The following GALNT18 variants were observed in gnomAD, a reference collection of about 807,000 sequenced individuals.
GALNT18 encodes the protein polypeptide N-acetylgalactosaminyltransferase 18.
A neutral mutation model predicts 69.5 loss-of-function variants in GALNT18; 44 were observed. The observed-to-expected ratio is 0.63, with a 90% CI of 0.50 to 0.81. The LOEUF (loss-of-function observed/expected upper bound fraction) is 0.81. Among genes scored for constraint, GALNT18 ranks in the 40% least tolerant of loss-of-function variants. The pLI is 0.00. For missense variants in GALNT18, 715 were observed against 810.0 expected (o/e 0.88, Z 1.42); for synonymous variants, 364 against 318.2 (o/e 1.14, Z -1.53).
intron 10 of GALNT18, 124 bp from the exon 11 acceptor site, chr11:11,271,414 G>T: frequency 1.0e-6 from 1 of 958,738 alleles, no homozygotes; most frequent in Non-Finnish European, 1.6e-6. Context: ...CAGGAGGTCA[G>T]CATTCCCATG....
chr11:11,434,783 T>A (rs1855360781), intron 2 of GALNT18, among the ~76,000 whole-genome samples: 1 of 152,204 alleles, frequency 6.6e-6, no homozygotes, highest in Admixed American at 6.5e-5. Flanking sequence ...AAGACTGGTA[T>A]GCCTTCTGAA....
At chr11:11,428,643 G>A (rs904775133) in intron 3 of GALNT18, among the ~76,000 whole-genome samples, 11 of 152,174 alleles carry the variant, frequency 7.2e-5, no homozygotes, top group African/African-American at 2.7e-4. Flanking sequence ...CTGGCCTCAG[G>A]TGCCCACCTC....
chr11:11,419,273 C>CT (rs1247197452), intron 3 of GALNT18, among the ~76,000 whole-genome samples: 8 of 152,088 alleles, frequency 5.3e-5, no homozygotes, highest in Admixed American at 3.3e-4. Flanking sequence ...TTGTTTTGTG[C>CT]TTTTTTTCTG....
chr11:11,369,283 A>T (rs1321010666), intron 6 of GALNT18, among the ~76,000 whole-genome samples: 1 of 152,168 alleles, frequency 6.6e-6, no homozygotes, highest in East Asian at 1.9e-4. Flanking sequence ...TGAAATCAAC[A>T]TATTGACTGG....
intron 1 of GALNT18, among the ~76,000 whole-genome samples, chr11:11,478,332 C>A (rs1222318685): frequency 6.6e-6 from 1 of 152,222 alleles, no homozygotes; most frequent in Non-Finnish European, 1.5e-5. Flanking sequence ...TTCAGACATG[C>A]AAAGGCAAAA....
Position 11,616,808 on chromosome 11 carries a change from C to A in GALNT18, c.235+4551G>T, listed in dbSNP as rs1003486156. Among the ~76,000 whole-genome samples, 5 of 152,288 alleles carry A rather than the reference C, an allele frequency of 3.3e-5. No individual in the cohort carries two copies. Among genetic ancestry groups the A allele is most frequent in the African/African-American group, 9.6e-5 (4 of 41,564 alleles). ...TGTACTTGTCACTGTAACGGCATAACCTAATCACGTATTATATAAACCAAT... is the reference window on the plus strand; with the variant it reads ...TGTACTTGTCACTGTAACGGCATAAACTAATCACGTATTATATAAACCAAT... On this transcript the variant is annotated intron_variant, in intron 1 of 10. Coordinates refer to ENST00000227756, the MANE Select transcript of GALNT18 (RefSeq NM_198516.3). The surrounding 1 kb of genome is among the most constrained non-coding windows in gnomAD (Gnocchi z 4.4).
intron 1 of GALNT18, among the ~76,000 whole-genome samples, chr11:11,528,342 C>T (rs552902736): frequency 5.3e-5 from 8 of 152,230 alleles, no homozygotes; most frequent in African/African-American, 1.4e-4. Context: ...AACTCAAATG[C>T]GGTGTGGAAG....
At chr11:11,433,726 C>A (rs1258376975) in intron 2 of GALNT18, among the ~76,000 whole-genome samples, 1 of 152,216 alleles carries the variant, frequency 6.6e-6, no homozygotes, top group Admixed American at 6.5e-5. Context: ...CCTCTGCAAG[C>A]ATAGTCTTTA....
intron 2 of GALNT18, among the ~76,000 whole-genome samples, chr11:11,440,066 G>A (rs1855502431): frequency 6.6e-6 from 1 of 152,208 alleles, no homozygotes; most frequent in Non-Finnish European, 1.5e-5. Flanking sequence ...TTGCTGATGA[G>A]TAAACTGCTA....
At position 11,587,947 on chromosome 11, in the gene GALNT18, T is replaced by G. The variant is rs10831647; in HGVS notation, c.235+33412A>C. Among the ~76,000 whole-genome samples, 60,314 of 151,924 alleles carry G rather than the reference T, an allele frequency of 0.4. 13,677 individuals carry two copies. Among genetic ancestry groups the G allele is most frequent in the East Asian group, 0.66 (3,383 of 5,126 alleles). Reference sequence around the variant, plus strand: ...ACTAAGAGTGGCATGTCTCTACCAATAAATTACAAAATAGGCATGCTGTTT... The same window carrying G: ...ACTAAGAGTGGCATGTCTCTACCAAGAAATTACAAAATAGGCATGCTGTTT... On this transcript the variant is annotated intron_variant, in intron 1 of 10. Transcript: ENST00000227756. This position sits in a 1 kb window ranked among gnomAD's most constrained non-coding sequence, Gnocchi z 4.4.
At position 11,605,570 on chromosome 11, in the gene GALNT18, C is replaced by CT. The variant is rs1859733317; in HGVS notation, c.235+15788dup. 6.6e-6 allele frequency among the ~76,000 whole-genome samples: 1 copy of CT among 152,150 alleles called. No homozygotes were observed. The highest frequency in any genetic ancestry group is 1.5e-5 in the Non-Finnish European group (1 of 68,028). On this transcript the variant is annotated intron_variant, in intron 1 of 10. Transcript: ENST00000227756. This position sits in a 1 kb window ranked among gnomAD's most constrained non-coding sequence, Gnocchi z 4.7. The stretch of plus-strand genomic sequence containing the variant: ...GCCAGAGGCCAACTTCCCTTTACCT[C>CT]TGGGGTCCCAAGCACTCTGTTTCCT...
At chr11:11,524,857 T>C (rs1012880642) in intron 1 of GALNT18, among the ~76,000 whole-genome samples, 1 of 152,260 alleles carries the variant, frequency 6.6e-6, no homozygotes, top group African/African-American at 2.4e-5. Context: ...GACATTTGTC[T>C]GTGTCATTCT....
At chr11:11,503,003 A>C (rs1270786345) in intron 1 of GALNT18, among the ~76,000 whole-genome samples, 1 of 152,168 alleles carries the variant, frequency 6.6e-6, no homozygotes, top group African/African-American at 2.4e-5. Context: ...TAATATGTAC[A>C]CCAGGCAAGC....
chr11:11,301,046 C>T (rs1849485481), intron 9 of GALNT18, among the ~76,000 whole-genome samples: 1 of 152,124 alleles, frequency 6.6e-6, no homozygotes, highest in African/African-American at 2.4e-5. Context: ...ATCTGCAGGG[C>T]AAGGACAAGG....
Position 11,459,995 on chromosome 11 carries a change from G to T in GALNT18, c.236-11059C>A, listed in dbSNP as rs536483981. 6.6e-6 allele frequency among the ~76,000 whole-genome samples: 1 copy of T among 152,102 alleles called. No homozygotes were observed. The highest frequency in any genetic ancestry group is 1.5e-5 in the Non-Finnish European group (1 of 68,004). ...TCCTTGGCTTATGGCCTCTTCCTCC[G>T]TCTTCAAAGCCCACCACAGTGGGTC... is the stretch of plus-strand genomic sequence containing the variant. On this transcript the variant is annotated intron_variant, in intron 1 of 10. Coordinates refer to ENST00000227756, the MANE Select transcript of GALNT18 (RefSeq NM_198516.3). The surrounding 1 kb of genome is among the most constrained non-coding windows in gnomAD (Gnocchi z 5.0).
chr11:11,292,636 C>T (rs1044285015), intron 10 of GALNT18, among the ~76,000 whole-genome samples: 1 of 152,112 alleles, frequency 6.6e-6, no homozygotes, highest in Non-Finnish European at 1.5e-5. Flanking sequence ...ATAGGAGAAA[C>T]GTGAAGGTTT....
intron 3 of GALNT18, among the ~76,000 whole-genome samples, chr11:11,394,298 A>G (rs983329323): frequency 2.6e-5 from 4 of 152,232 alleles, no homozygotes; most frequent in African/African-American, 7.2e-5. Context: ...GGCTAGAAGC[A>G]TGAATGTGCA....
At chr11:11,394,597 G>A (rs1051075191) in intron 3 of GALNT18, among the ~76,000 whole-genome samples, 36 of 152,198 alleles carry the variant, frequency 2.4e-4, no homozygotes, top group Admixed American at 8.5e-4. Flanking sequence ...ACCTAAGGAG[G>A]TGAGGTTTTT....
chr11:11,398,482 A>G (rs1007187884), intron 3 of GALNT18, among the ~76,000 whole-genome samples: 2 of 152,240 alleles, frequency 1.3e-5, no homozygotes, highest in African/African-American at 2.4e-5. Context: ...TAAAGATGAG[A>G]AAACCAAATT....
Sources: gnomAD v4.1 joint callset for allele counts (sites outside exome capture counted in the v4.1 genomes callset) on GRCh38, gnomAD v4.1.1 for gene constraint, Gnocchi (gnomAD v3.1) non-coding constraint, MANE v1.5 for transcripts, NCBI Gene and HGNC (gene_info 2026-07-23, HGNC 2026-07-21) for gene names.